Variants in KAT6A observed in about 807,000 individuals in gnomAD.
KAT6A encodes the protein lysine acetyltransferase 6A, also known as histone acetyltransferase KAT6A.
A neutral mutation model predicts 198.4 loss-of-function variants in KAT6A; 9 were observed. The ratio of observed to expected loss-of-function variants is 0.05; its 90% CI spans 0.03 to 0.08. The LOEUF is 0.08. Ranked by LOEUF, KAT6A falls within the 10% of genes least tolerant of loss-of-function variation. The pLI is 1.00. For missense variants in KAT6A, 2,077 were observed against 2,509.9 expected (o/e 0.83, Z 3.69); for synonymous variants, 890 against 883.0 (o/e 1.01, Z -0.14).
Position 41,932,637 on chromosome 8 carries a change from A to T in KAT6A, c.5583T>A (p.Ser1861=), listed in dbSNP as rs1404384376. ...GAGCAGCCGCAGAGGGCAGTGGCGC[A>T]GACTTGGAGCGGATGGAAATGTGCC... ...VKGHISIRSK[S]APLPSAAAHQ... The change falls in exon 17 of 17, where the codon TCT becomes TCA. Residue 1861 remains serine (S), a synonymous_variant. Transcript: ENST00000265713. The T allele has an allele frequency of 1.7e-5, 28 of 1,614,154 alleles. No individual in the cohort carries two copies. Among genetic ancestry groups the T allele is most frequent in the Non-Finnish European group, 2.1e-5 (25 of 1,179,966 alleles).
chr8:42,013,260 CTTT>C (rs34675415), intron 2 of KAT6A, among the ~76,000 whole-genome samples: 25 of 142,980 alleles, frequency 1.7e-4, no homozygotes, highest in Admixed American at 2.1e-4. Context: ...TTCTTTCTTT[CTTT>C]TTTTTTTTTT....
chr8:42,038,719 T>C (rs192257167), intron 2 of KAT6A, among the ~76,000 whole-genome samples: 73 of 152,322 alleles, frequency 4.8e-4, no homozygotes, highest in African/African-American at 1.1e-3. Context: ...TTCTACACAA[T>C]GCAGAAGATA....
intron 2 of KAT6A, among the ~76,000 whole-genome samples, chr8:42,012,789 T>C (rs1826084112): frequency 6.6e-6 from 1 of 152,178 alleles, no homozygotes; most frequent in Non-Finnish European, 1.5e-5. Flanking sequence ...TTATTCATAA[T>C]TGCCAAAAAC....
intron 2 of KAT6A, among the ~76,000 whole-genome samples, chr8:42,017,725 A>G (rs555692452): frequency 6.6e-6 from 1 of 152,206 alleles, no homozygotes; most frequent in Admixed American, 6.5e-5. Flanking sequence ...CCAAAAGACA[A>G]TAGAAACCCA....
chr8:41,935,255 C>T (rs1314521703), intron 16 of KAT6A, among the ~76,000 whole-genome samples: 1 of 152,150 alleles, frequency 6.6e-6, no homozygotes, highest in Non-Finnish European at 1.5e-5. Flanking sequence ...CAAGTTGTCT[C>T]TACTAAAAGT....
chr8:42,047,138 A>T (rs1399594332), intron 2 of KAT6A, among the ~76,000 whole-genome samples: 1 of 152,208 alleles, frequency 6.6e-6, no homozygotes, highest in Non-Finnish European at 1.5e-5. Flanking sequence ...CAAAATGAAG[A>T]TCATTTTACT....
intron 15 of KAT6A, among the ~76,000 whole-genome samples, chr8:41,938,036 A>T (rs539858934): frequency 6.6e-6 from 1 of 152,344 alleles, no homozygotes; most frequent in Admixed American, 6.5e-5. Context: ...TGGAATGTAG[A>T]AATATGGGGC....
At chr8:41,937,153 G>T in intron 16 of KAT6A, 103 bp downstream of exon 16, 1 of 826,238 alleles carries the variant, frequency 1.2e-6, no homozygotes, top group Non-Finnish European at 1.9e-6. Flanking sequence ...CTTGCTTAGT[G>T]GGTTGTGTTC....
chr8:41,990,516 A>G (rs1283872875), intron 2 of KAT6A, among the ~76,000 whole-genome samples: 1 of 152,200 alleles, frequency 6.6e-6, no homozygotes, highest in African/African-American at 2.4e-5. Flanking sequence ...AGTAAGGAAG[A>G]GGCGGACAGT....
At chr8:42,009,709 G>C (rs972494173) in intron 2 of KAT6A, among the ~76,000 whole-genome samples, 1 of 151,342 alleles carries the variant, frequency 6.6e-6, no homozygotes, top group Non-Finnish European at 1.5e-5. Context: ...GACCAGCCTG[G>C]GAAACATATG....
intron 2 of KAT6A, among the ~76,000 whole-genome samples, chr8:42,013,974 G>A (rs1826143976): frequency 6.6e-6 from 1 of 152,216 alleles, no homozygotes; most frequent in Non-Finnish European, 1.5e-5. Context: ...GCGGTACCGT[G>A]AAAGAAGCCT....
intron 2 of KAT6A, among the ~76,000 whole-genome samples, chr8:42,023,257 T>C (rs1826636931): frequency 6.6e-6 from 1 of 151,998 alleles, no homozygotes; most frequent in South Asian, 2.1e-4. Flanking sequence ...AGTGAATGAG[T>C]GGTGAGTGAA....
Position 41,933,296 on chromosome 8 carries a change from T to C in KAT6A, c.4924A>G (p.Arg1642Gly). The change falls in exon 17 of 17, where the codon AGG becomes GGG. Residue 1642 changes from arginine (R) to glycine (G), a missense_variant. By Grantham distance (125) the Arg-to-Gly change is moderately radical (BLOSUM62 -2). Transcript: ENST00000265713. This position sits in a 1 kb window ranked among gnomAD's most constrained non-coding sequence, Gnocchi z 6.2. ...TGCTGCTGCTGGTTACTGGGAGGCC[T>C]CTCCACCACGCAGCTCTGAGGTGAC... ...IKSPQSCVVE[R>G]PPSNQQQQPP... is the part of the protein sequence containing the mutation. 2.5e-6 allele frequency: 4 copies of C among 1,579,934 alleles called. No homozygotes were observed. The South Asian group carries it at 4.6e-5, about 18-fold the overall frequency.
rs1375982259 is a variant in KAT6A at position 42,049,009 on chromosome 8, T to A, written c.-32A>T. 1 of 1,577,362 alleles carries A rather than the reference T, an allele frequency of 6.3e-7. No individual in the cohort carries two copies. ...GGATTCTGTATATCCATAGAGTCGT[T>A]ATCCCTTATCCTGATGCTGAGTAAG... On this transcript the variant is annotated 5_prime_UTR_variant, in exon 2 of 17. An upstream open reading frame in the 5' UTR loses its in-frame stop. Transcript: ENST00000265713.
chr8:42,050,415 G>A (rs1587873495), intron 1 of KAT6A, among the ~76,000 whole-genome samples: 1 of 152,156 alleles, frequency 6.6e-6, no homozygotes, highest in South Asian at 2.1e-4. Flanking sequence ...TCATTCTGGA[G>A]ATCATTTGCA....
chr8:42,044,110 T>C (rs1388567058), intron 2 of KAT6A, among the ~76,000 whole-genome samples: 2 of 150,202 alleles, frequency 1.3e-5, no homozygotes, highest in African/African-American at 4.9e-5. Flanking sequence ...TTTTTTTTTT[T>C]TTTTTTTTGA....
At chr8:42,005,513 C>T (rs566085821) in intron 2 of KAT6A, among the ~76,000 whole-genome samples, 3 of 152,248 alleles carry the variant, frequency 2.0e-5, no homozygotes, top group Admixed American at 6.5e-5. Context: ...ATCAGGAAAG[C>T]GAGGCTGAAG....
chr8:41,994,136 T>G (rs1825076434), intron 2 of KAT6A, among the ~76,000 whole-genome samples: 1 of 152,164 alleles, frequency 6.6e-6, no homozygotes. Context: ...ACCTTATTGT[T>G]CCCATGATCT....
At chr8:42,008,326 C>G (rs1587818013) in intron 2 of KAT6A, among the ~76,000 whole-genome samples, 1 of 151,974 alleles carries the variant, frequency 6.6e-6, no homozygotes, top group Non-Finnish European at 1.5e-5. Context: ...AAAACTGAAA[C>G]CCTATCCTTA....
Sources: gnomAD v4.1 joint callset for allele counts (sites outside exome capture counted in the v4.1 genomes callset) on GRCh38, gnomAD v4.1.1 for gene constraint, Gnocchi (gnomAD v3.1) non-coding constraint, MANE v1.5 for transcripts, NCBI Gene and HGNC (gene_info 2026-07-23, HGNC 2026-07-21) for gene names.